SOX6: variants seen among roughly 807,000 people sequenced by gnomAD.
The protein encoded by SOX6 is transcription factor SOX-6.
In SOX6, 11 loss-of-function variants were observed where a neutral mutation model predicts 97.8. That is an observed-to-expected ratio of 0.11 (90% confidence interval 0.07 to 0.19). The LOEUF is 0.19. Ranked by LOEUF, SOX6 falls within the 10% of genes least tolerant of loss-of-function variation. SOX6 has a pLI of 1.00. For synonymous variants in SOX6, 360 were observed against 371.4 expected (o/e 0.97, Z 0.35); for missense variants, 810 against 1,039.5 (o/e 0.78, Z 3.04).
intron 3 of SOX6, among the ~76,000 whole-genome samples, chr11:16,302,571 T>C (rs995314300): frequency 1.6e-4 from 22 of 138,020 alleles, no homozygotes; most frequent in African/African-American, 4.3e-4. Flanking sequence ...TTTTTCTTTT[T>C]TTTTTTTTTT....
chr11:16,506,654 G>A (rs753991106), intron 4 of SOX6, among the ~76,000 whole-genome samples: 1 of 152,164 alleles, frequency 6.6e-6, no homozygotes, highest in South Asian at 2.1e-4. Flanking sequence ...ATCTCATGTC[G>A]AATTGTACTC....
intron 3 of SOX6, among the ~76,000 whole-genome samples, chr11:16,668,543 A>G (rs1415999709): frequency 1.3e-5 from 2 of 152,210 alleles, no homozygotes; most frequent in African/African-American, 4.8e-5. Flanking sequence ...TATCAGGAGT[A>G]GGCCCTTACT....
intron 9 of SOX6, among the ~76,000 whole-genome samples, chr11:16,062,685 G>A (rs1208952999): frequency 6.6e-6 from 1 of 151,576 alleles, no homozygotes; most frequent in Admixed American, 6.6e-5. Context: ...GTAAAAATAA[G>A]CCTAGCTAAA....
chr11:16,332,397 A>C (rs181468256), intron 2 of SOX6, among the ~76,000 whole-genome samples: 1 of 152,250 alleles, frequency 6.6e-6, no homozygotes, highest in East Asian at 1.9e-4. Context: ...TACCACCATA[A>C]TCTACCTGTG....
At chr11:16,228,887 G>A (rs941971633) in intron 4 of SOX6, among the ~76,000 whole-genome samples, 1 of 152,050 alleles carries the variant, frequency 6.6e-6, no homozygotes, top group Non-Finnish European at 1.5e-5. Flanking sequence ...CTCCTATCAA[G>A]GAGTTTTAGA....
At chr11:16,407,034 A>T (rs1858700833) in intron 1 of SOX6, among the ~76,000 whole-genome samples, 2 of 152,102 alleles carry the variant, frequency 1.3e-5, no homozygotes, top group South Asian at 2.1e-4. Context: ...AATTATTGTG[A>T]ATCAGTTATA....
chr11:16,737,708 A>G (rs981518363), intron 1 of SOX6, among the ~76,000 whole-genome samples: 3 of 152,152 alleles, frequency 2.0e-5, no homozygotes, highest in East Asian at 3.9e-4. Flanking sequence ...AGGAGTGATC[A>G]CTTGAATCTG....
At chr11:16,234,766 G>C in intron 3 of SOX6, 95 bp from the exon 4 acceptor site, 1 of 691,596 alleles carries the variant, frequency 1.4e-6, no homozygotes, top group South Asian at 2.1e-5. Flanking sequence ...AATGCATAAA[G>C]CTGTTTTTGT....
intron 1 of SOX6, chr11:16,402,842 A>G (rs776434338): frequency 2.6e-6 from 4 of 1,546,142 alleles, no homozygotes; most frequent in African/African-American, 2.7e-5. Flanking sequence ...CATCTTTCCT[A>G]TCCCCAATGG....
chr11:16,558,894 T>A (rs1847777800), intron 4 of SOX6, among the ~76,000 whole-genome samples: 1 of 152,082 alleles, frequency 6.6e-6, no homozygotes, highest in Non-Finnish European at 1.5e-5. Context: ...ACATTTGCAA[T>A]ACATCTGTAA....
chr11:16,708,063 G>C (rs184213035), intron 3 of SOX6, among the ~76,000 whole-genome samples: 17 of 152,238 alleles, frequency 1.1e-4, no homozygotes, highest in African/African-American at 2.2e-4. Flanking sequence ...AGTAATAACA[G>C]TCACACAGTA....
At chr11:16,649,338 A>C (rs1269546679) in intron 3 of SOX6, among the ~76,000 whole-genome samples, 1 of 152,204 alleles carries the variant, frequency 6.6e-6, no homozygotes, top group Non-Finnish European at 1.5e-5. Context: ...TAAAGTCAAG[A>C]CAGACAAAAC....
At chr11:16,729,349 A>C (rs1055319616) in intron 2 of SOX6, among the ~76,000 whole-genome samples, 2 of 152,212 alleles carry the variant, frequency 1.3e-5, no homozygotes, top group African/African-American at 4.8e-5. Flanking sequence ...GTTACCCACA[A>C]AGGGAAGCCC....
intron 4 of SOX6, among the ~76,000 whole-genome samples, chr11:16,523,337 A>C (rs1861102749): frequency 6.6e-6 from 1 of 152,322 alleles, no homozygotes; most frequent in East Asian, 1.9e-4. Flanking sequence ...CTCACTCAAA[A>C]CCGCTCAACT....
chr11:16,580,004 AG>A (rs1325623059), intron 4 of SOX6, among the ~76,000 whole-genome samples: 1 of 152,168 alleles, frequency 6.6e-6, no homozygotes, highest in Non-Finnish European at 1.5e-5. Flanking sequence ...TTAACTTTAT[AG>A]ACCTGTAACT....
chr11:16,083,105 TG>T (rs1360202564), intron 9 of SOX6, among the ~76,000 whole-genome samples: 4 of 152,220 alleles, frequency 2.6e-5, no homozygotes, highest in Non-Finnish European at 5.9e-5. Flanking sequence ...ACCTTATCCA[TG>T]AAGATTGCCA....
intron 7 of SOX6, chr11:16,110,503 G>T (rs970110023): frequency 6.6e-6 from 1 of 151,896 alleles, no homozygotes; most frequent in African/African-American, 2.4e-5. Context: ...TCATGCTCTA[G>T]AAAAATGAAT....
At chr11:16,035,990 G>T (rs1405772207) in intron 12 of SOX6, among the ~76,000 whole-genome samples, 1 of 152,034 alleles carries the variant, frequency 6.6e-6, no homozygotes, top group Non-Finnish European at 1.5e-5. Flanking sequence ...GCTGGATTTG[G>T]GCAATCACTT....
intron 4 of SOX6, among the ~76,000 whole-genome samples, chr11:16,209,729 G>A (rs1015591286): frequency 6.6e-5 from 10 of 152,024 alleles, no homozygotes; most frequent in Non-Finnish European, 1.3e-4. Flanking sequence ...CTCCAACCTG[G>A]GTGACAGCAT....
Sources: gnomAD v4.1 joint callset for allele counts (sites outside exome capture counted in the v4.1 genomes callset) on GRCh38, gnomAD v4.1.1 for gene constraint, MANE v1.5 for transcripts, NCBI Gene and HGNC (gene_info 2026-07-23, HGNC 2026-07-21) for gene names.